Variants in PLA2G4A observed in about 807,000 individuals in gnomAD.
The protein encoded by PLA2G4A is phospholipase A2 group IVA, also known as cytosolic phospholipase A2.
Under a neutral mutation model 81.9 loss-of-function variants are expected in PLA2G4A, and 40 were observed. The ratio of observed to expected loss-of-function variants is 0.49; its 90% CI spans 0.38 to 0.64. The LOEUF (loss-of-function observed/expected upper bound fraction) is 0.64. Among genes scored for constraint, PLA2G4A ranks in the 30% least tolerant of loss-of-function variants. The probability of loss-of-function intolerance (pLI) is 0.00; values close to 1 mark genes in which losing one functional copy is unlikely to be tolerated. For synonymous variants in PLA2G4A, 302 were observed against 296.9 expected (o/e 1.02, Z -0.18); for missense variants, 715 against 905.1 (o/e 0.79, Z 2.69).
rs12720529 is a variant in PLA2G4A at position 186,893,674 on chromosome 1, G to A, written c.265-424G>A. On this transcript the variant is annotated intron_variant, in intron 4 of 17. Transcript: ENST00000367466. Reference sequence around the variant, plus strand: ...GCCGGGCACTGTGGCTCACCCCACAGCATTTTCAGAGCACCAAGGCAGGCA... The same window carrying A: ...GCCGGGCACTGTGGCTCACCCCACAACATTTTCAGAGCACCAAGGCAGGCA... 9.5e-3 allele frequency among the ~76,000 whole-genome samples: 1,448 copies of A among 152,160 alleles called. 14 individuals carry two copies. The highest frequency in any genetic ancestry group is 0.013 in the Non-Finnish European group (889 of 67,998).
At chr1:186,836,822 TACAA>T (rs1345893513) in intron 1 of PLA2G4A, among the ~76,000 whole-genome samples, 1 of 152,098 alleles carries the variant, frequency 6.6e-6, no homozygotes, top group East Asian at 1.9e-4. Flanking sequence ...ATAATAAGTA[TACAA>T]ACAAACAGAT....
chr1:186,936,838 A>G (rs1655964845), intron 8 of PLA2G4A, among the ~76,000 whole-genome samples: 1 of 151,888 alleles, frequency 6.6e-6, no homozygotes, highest in Admixed American at 6.6e-5. Flanking sequence ...ATTTGAGGCA[A>G]ATATTTCCAG....
chr1:186,957,661 C>T (rs1281040138), intron 14 of PLA2G4A, among the ~76,000 whole-genome samples: 1 of 152,220 alleles, frequency 6.6e-6, no homozygotes, highest in Non-Finnish European at 1.5e-5. Flanking sequence ...CTCCAGTTCT[C>T]AGAAAGGTTA....
intron 6 of PLA2G4A, among the ~76,000 whole-genome samples, chr1:186,907,297 A>C (rs1005528710): frequency 2.0e-4 from 31 of 152,356 alleles, no homozygotes; most frequent in African/African-American, 7.2e-4. Flanking sequence ...CTAGTCGTAC[A>C]TCTATTCCCA....
chr1:186,879,326 C>T (rs908661978), intron 3 of PLA2G4A, among the ~76,000 whole-genome samples: 14 of 151,890 alleles, frequency 9.2e-5, no homozygotes, highest in African/African-American at 2.9e-4. Flanking sequence ...TAACCCAGTG[C>T]GTATTCCAGC....
chr1:186,934,585 C>A (rs763276213), intron 8 of PLA2G4A, among the ~76,000 whole-genome samples: 7 of 151,376 alleles, frequency 4.6e-5, no homozygotes, highest in Non-Finnish European at 8.9e-5. Flanking sequence ...TCTACTCTAT[C>A]TTTCACAGTC....
chr1:186,830,521 T>G (rs1393796999), intron 1 of PLA2G4A, among the ~76,000 whole-genome samples: 1 of 145,550 alleles, frequency 6.9e-6, no homozygotes, highest in Non-Finnish European at 1.5e-5. Flanking sequence ...GGCATGAGAA[T>G]CGCTTGAACC....
At chr1:186,908,516 G>C (rs1006512070) in intron 6 of PLA2G4A, among the ~76,000 whole-genome samples, 1 of 151,890 alleles carries the variant, frequency 6.6e-6, no homozygotes, top group African/African-American at 2.4e-5. Context: ...GCATATCACT[G>C]TGATTAAATG....
intron 13 of PLA2G4A, among the ~76,000 whole-genome samples, chr1:186,951,399 A>G (rs1021670136): frequency 6.6e-6 from 1 of 151,798 alleles, no homozygotes; most frequent in African/African-American, 2.4e-5. Context: ...GGTAAAATAG[A>G]TTATTTTGAC....
At chr1:186,877,848 G>T (rs1190374503) in intron 3 of PLA2G4A, among the ~76,000 whole-genome samples, 4 of 148,338 alleles carry the variant, frequency 2.7e-5, no homozygotes, top group Non-Finnish European at 4.5e-5. Flanking sequence ...TTCCTTTTTT[G>T]CTTCAGTGAG....
chr1:186,984,693 A>G (rs1018474786), intron 17 of PLA2G4A, among the ~76,000 whole-genome samples: 5 of 152,212 alleles, frequency 3.3e-5, no homozygotes, highest in Admixed American at 6.5e-5. Context: ...TGCCTAATAT[A>G]TTAGTCCATA....
chr1:186,955,645 C>G (rs1403897989), intron 13 of PLA2G4A, among the ~76,000 whole-genome samples: 1 of 151,390 alleles, frequency 6.6e-6, no homozygotes, highest in Admixed American at 6.6e-5. Context: ...AAATGATTAA[C>G]TGCAATATTA....
intron 5 of PLA2G4A, among the ~76,000 whole-genome samples, chr1:186,894,519 T>A (rs1157508035): frequency 6.6e-6 from 1 of 151,894 alleles, no homozygotes; most frequent in Non-Finnish European, 1.5e-5. Flanking sequence ...ATACAAAAAA[T>A]TGGGGAGGAT....
chr1:186,918,440 T>A (rs931056446), intron 7 of PLA2G4A, among the ~76,000 whole-genome samples: 3 of 152,214 alleles, frequency 2.0e-5, no homozygotes, highest in Non-Finnish European at 4.4e-5. Context: ...ATGTTTACAG[T>A]CTTACCTTCA....
rs139418625 is a variant in PLA2G4A, at chr1:186,870,778, G to A, written c.115+262G>A. ...GCCCTTATTTTCTTTGCTGTTAAACGTATAATTATGGTTCAGCCTTTAATT... is the reference window on the plus strand; with the variant it reads ...GCCCTTATTTTCTTTGCTGTTAAACATATAATTATGGTTCAGCCTTTAATT... On this transcript the variant is annotated intron_variant, in intron 3 of 17. Coordinates refer to ENST00000367466, the MANE Select transcript of PLA2G4A (RefSeq NM_024420.3). 10,363 of 1,395,898 alleles carry A rather than the reference G, an allele frequency of 7.4e-3. 81 individuals are homozygous for A. Among genetic ancestry groups the A allele is most frequent in the Middle Eastern group, 0.025 (138 of 5,610 alleles). 86.5% of individuals were successfully genotyped at this position (1,395,898 alleles called of 1,614,324 possible). A position where few individuals can be genotyped will look rare whatever the true frequency, so the allele number is the denominator to read the frequency against.
chr1:186,876,902 TC>T (rs1653521136), intron 3 of PLA2G4A, among the ~76,000 whole-genome samples: 2 of 152,080 alleles, frequency 1.3e-5, no homozygotes, highest in South Asian at 4.1e-4. Flanking sequence ...GCCTCAGTCC[TC>T]TCACCTGTAG....
chr1:186,873,380 C>T (rs1370988646), intron 3 of PLA2G4A, among the ~76,000 whole-genome samples: 1 of 151,982 alleles, frequency 6.6e-6, no homozygotes, highest in Non-Finnish European at 1.5e-5. Flanking sequence ...TTTTAAAAGT[C>T]CTAAGATCTG....
At chr1:186,931,521 T>C (rs940095388) in intron 7 of PLA2G4A, among the ~76,000 whole-genome samples, 1 of 9,736 alleles carries the variant, frequency 1.0e-4, no homozygotes, top group African/African-American at 2.3e-4. Flanking sequence ...TGTTTGCTAT[T>C]ATTATTATTA....
rs568071861 is a variant in PLA2G4A at position 186,888,238 on chromosome 1, G to A, written c.116-4773G>A. Among the ~76,000 whole-genome samples, 173 of 152,124 alleles carry A rather than the reference G, an allele frequency of 1.1e-3. 1 individual carries two copies. The highest frequency in any genetic ancestry group is 3.9e-3 in the African/African-American group (161 of 41,478). On this transcript the variant is annotated intron_variant, in intron 3 of 17. Coordinates refer to ENST00000367466, the MANE Select transcript of PLA2G4A (RefSeq NM_024420.3). ...TGTTTTAATATATAAACATGGTGTG[G>A]GTATTGTTTTTATGGTATTTTCTTT... is the stretch of plus-strand genomic sequence containing the variant.
Sources: gnomAD v4.1 joint callset for allele counts (sites outside exome capture counted in the v4.1 genomes callset) on GRCh38, gnomAD v4.1.1 for gene constraint, MANE v1.5 for transcripts, NCBI Gene and HGNC (gene_info 2026-07-23, HGNC 2026-07-21) for gene names.